Variants in BCLAF3 observed in about 807,000 individuals in gnomAD.
BCLAF3 encodes BCLAF1 and THRAP3 family member 3.
BCLAF3 carries 24 observed loss-of-function variants against 51.2 expected under a neutral mutation model. That is an observed-to-expected ratio of 0.47 (90% confidence interval 0.34 to 0.66). BCLAF3 has a LOEUF of 0.66. Ranked by LOEUF, BCLAF3 falls within the 30% of genes least tolerant of loss-of-function variation. BCLAF3 has a pLI of 0.01. For synonymous variants in BCLAF3, 152 were observed against 176.6 expected (o/e 0.86, Z 1.10); for missense variants, 465 against 525.1 (o/e 0.89, Z 1.12).
At chrX:19,934,118 TTTTA>T (rs2070669934) in intron 10 of BCLAF3, among the ~76,000 whole-genome samples, 1 of 112,095 alleles carries the variant, frequency 8.9e-6, no homozygotes, top group Admixed American at 9.5e-5. Context: ...CTGCCCACTA[TTTTA>T]CTACAAAGAA....
chrX:19,923,084 A>T, intron 11 of BCLAF3: 1 of 112,087 alleles, frequency 8.9e-6, no homozygotes, highest in Non-Finnish European at 1.9e-5. Flanking sequence ...CAGTTTTAAG[A>T]CTGTCAGTGT....
chrX:19,959,398 C>A (rs1226824623), intron 4 of BCLAF3, among the ~76,000 whole-genome samples: 1 of 111,270 alleles, frequency 9.0e-6, no homozygotes, highest in Non-Finnish European at 1.9e-5. Flanking sequence ...CAAAAAATAC[C>A]CACTGAATGA....
chrX:19,966,237 C>T lies in BCLAF3; in HGVS notation c.454G>A (p.Gly152Arg). The T allele has an allele frequency of 8.3e-7, 1 of 1,211,467 alleles. No individual in the cohort carries two copies. The highest frequency in any genetic ancestry group is 1.1e-6 in the Non-Finnish European group (1 of 895,476). Residue 152 changes from glycine (G) to arginine (R), a missense_variant, in exon 3 of 12, where the codon GGG (glycine) becomes AGG (arginine). Physicochemically the swap from Gly to Arg is moderately radical, Grantham distance 125. Coordinates refer to ENST00000379682, the MANE Select transcript of BCLAF3 (RefSeq NM_001367774.2). ...DHRVRGSGKG[G>R]KPPQRSIADS... The stretch of plus-strand genomic sequence containing the variant: ...GCTATTGACCTCTGAGGTGGTTTCC[C>T]TCCTTTTCCACTTCCTCTAACTCTG...
intron 11 of BCLAF3, among the ~76,000 whole-genome samples, chrX:19,922,231 T>C: frequency 9.0e-6 from 1 of 110,777 alleles, no homozygotes; most frequent in Non-Finnish European, 1.9e-5. Flanking sequence ...TTTTTGATAA[T>C]AGATTAGTAC....
chrX:19,931,901 G>A (rs927989814), intron 10 of BCLAF3, among the ~76,000 whole-genome samples: 1 of 111,858 alleles, frequency 8.9e-6, no homozygotes, highest in Non-Finnish European at 1.9e-5. Flanking sequence ...GGCTCTCCAC[G>A]CTTGAAAAGC....
intron 10 of BCLAF3, 192 bp from the exon 11 acceptor site, chrX:19,930,132 G>A: frequency 9.7e-6 from 3 of 309,650 alleles, no homozygotes; most frequent in Non-Finnish European, 1.7e-5. Context: ...CCAACATGGT[G>A]AAACCCCGTC....
At chrX:19,977,917 C>A (rs1258515363) in intron 1 of BCLAF3, among the ~76,000 whole-genome samples, 1 of 111,362 alleles carries the variant, frequency 9.0e-6, no homozygotes, top group African/African-American at 3.3e-5. Context: ...ATCTACTCTG[C>A]CTGTGCTCCA....
chrX:19,940,780 A>C (rs1449570838), intron 8 of BCLAF3, among the ~76,000 whole-genome samples: 1 of 111,065 alleles, frequency 9.0e-6, no homozygotes, highest in Non-Finnish European at 1.9e-5. Flanking sequence ...CTTTGGGTAT[A>C]TACCCAGTAA....
At chrX:19,962,453 G>A (rs1306931030) in intron 4 of BCLAF3, among the ~76,000 whole-genome samples, 1 of 112,195 alleles carries the variant, frequency 8.9e-6, no homozygotes, top group Non-Finnish European at 1.9e-5. Flanking sequence ...CAAATGCTGG[G>A]ATTACAGGCA....
intron 1 of BCLAF3, among the ~76,000 whole-genome samples, chrX:19,974,967 A>G (rs1350154034): frequency 1.8e-5 from 2 of 112,356 alleles, no homozygotes; most frequent in Non-Finnish European, 3.8e-5. Context: ...TCAAAGCTGT[A>G]AAAACATTAG....
intron 1 of BCLAF3, among the ~76,000 whole-genome samples, chrX:19,985,909 T>C (rs73445211): frequency 9.0e-6 from 1 of 111,153 alleles, no homozygotes; most frequent in African/African-American, 3.3e-5. Context: ...ACAATGCCAC[T>C]GACTGCACGT....
At chrX:19,987,051 C>T (rs138963071) in intron 1 of BCLAF3, among the ~76,000 whole-genome samples, 1,839 of 110,311 alleles carry the variant, frequency 0.017, 15 homozygotes, top group Middle Eastern at 0.037. Context: ...GGTGATCCTC[C>T]CAGTTCAGCC....
chrX:19,982,273 T>C (rs913365885), intron 1 of BCLAF3, among the ~76,000 whole-genome samples: 2 of 109,722 alleles, frequency 1.8e-5, no homozygotes, highest in South Asian at 7.7e-4. Flanking sequence ...TGAAACCCCC[T>C]CTCTCCAACA....
chrX:19,985,640 T>C (rs991032655), intron 1 of BCLAF3, among the ~76,000 whole-genome samples: 2 of 111,334 alleles, frequency 1.8e-5, no homozygotes, highest in African/African-American at 6.5e-5. Flanking sequence ...GACATGGAAG[T>C]AAATAATAAA....
intron 8 of BCLAF3, among the ~76,000 whole-genome samples, chrX:19,947,637 G>A (rs1268600624): frequency 8.9e-6 from 1 of 111,947 alleles, no homozygotes; most frequent in East Asian, 2.8e-4. Context: ...AGGTGTGCTT[G>A]TGAAAGATCC....
In BCLAF3 at chrX:19,966,111, C is replaced by T; in HGVS notation, c.580G>A (p.Asp194Asn). Residue 194 changes from aspartate (D) to asparagine (N), a missense_variant, in exon 3 of 12, where the codon GAC becomes AAC. Coordinates refer to ENST00000379682, the MANE Select transcript of BCLAF3 (RefSeq NM_001367774.2). ...YSQSTRRGSE[D>N]FETRSSFQKR... is the part of the protein sequence containing the mutation. ...TGAAATGAGCTCCTTGTCTCAAAGT[C>T]TTCAGAGCCTCTTCTAGTTGACTGG... The T allele has an allele frequency of 8.3e-7, 1 of 1,211,047 alleles. No homozygotes were observed. The highest frequency in any genetic ancestry group is 1.1e-6 in the Non-Finnish European group (1 of 895,244).
At chrX:19,938,557 C>T (rs1373590152) in intron 8 of BCLAF3, among the ~76,000 whole-genome samples, 1 of 111,910 alleles carries the variant, frequency 8.9e-6, no homozygotes, top group Non-Finnish European at 1.9e-5. Flanking sequence ...CATCACACCC[C>T]GCTAATTTTT....
chrX:19,980,811 C>CTACAGT (rs2072586187), intron 1 of BCLAF3, among the ~76,000 whole-genome samples: 1 of 109,537 alleles, frequency 9.1e-6, no homozygotes, highest in African/African-American at 3.3e-5. Flanking sequence ...TGGTGTTGCA[C>CTACAGT]ACCTGTAGTC....
intron 8 of BCLAF3, among the ~76,000 whole-genome samples, chrX:19,948,452 A>G (rs1034461856): frequency 9.0e-6 from 1 of 111,715 alleles, no homozygotes; most frequent in Admixed American, 9.5e-5. Flanking sequence ...GAGAGGCCAC[A>G]TATTATATTA....
Sources: allele counts gnomAD v4.1 joint callset (sites outside exome capture counted in the v4.1 genomes callset), GRCh38; gene constraint gnomAD v4.1.1; transcripts MANE v1.5; gene names NCBI Gene and HGNC (gene_info 2026-07-23, HGNC 2026-07-21).